Variants in PHLPP1 observed in about 807,000 individuals in gnomAD.
PHLPP1 encodes the protein PH domain leucine-rich repeat-containing protein phosphatase 1.
Under a neutral mutation model 117.2 loss-of-function variants are expected in PHLPP1, and 42 were observed. That is an observed-to-expected ratio of 0.36 (90% confidence interval 0.28 to 0.46). The LOEUF is 0.46. Ranked by LOEUF, PHLPP1 falls within the 20% of genes least tolerant of loss-of-function variation. PHLPP1 has a pLI of 1.00. For missense variants in PHLPP1, 2,084 were observed against 2,241.9 expected (o/e 0.93, Z 1.42); for synonymous variants, 1,042 against 970.7 (o/e 1.07, Z -1.37).
At chr18:62,718,085 A>G (rs1910815471) in intron 1 of PHLPP1, among the ~76,000 whole-genome samples, 1 of 152,186 alleles carries the variant, frequency 6.6e-6, no homozygotes, top group South Asian at 2.1e-4. Context: ...GGGGTGACCC[A>G]TGTAATGTTT....
Position 62,715,899 on chromosome 18 carries a change from A to C in PHLPP1, c.216A>C (p.Glu72Asp). 3 of 881,936 alleles carry C rather than the reference A, an allele frequency of 3.4e-6. No individual in the cohort carries two copies. The highest frequency in any genetic ancestry group is 5.0e-5 in the South Asian group (1 of 20,008). The allele number at this position is 881,936 out of a possible 1,614,324, so 54.6% of individuals were successfully genotyped here. ...ACGGCAGCGGCAGCGGGGCGCGGGA[A>C]GAGGCCCCAGGCGAGGCGCCGCCGG... ...GGNGSGSGAR[E>D]EAPGEAPPGP... The change falls in exon 1 of 17, where the codon GAA becomes GAC. Residue 72 changes from glutamate (E) to aspartate (D), a missense_variant. Glu to Asp is a conservative substitution (Grantham distance 45). Transcript: ENST00000262719.
rs181963748 is a variant in PHLPP1 at position 62,928,113 on chromosome 18, C to G, written c.2960+7999C>G. The stretch of plus-strand genomic sequence containing the variant: ...TTGACTCAGGGTTTTTATATCAAGC[C>G]AAGTCTCCTTTAAGATCTAAGTTAT... On this transcript the variant is annotated intron_variant, in intron 10 of 16. Transcript: ENST00000262719. Among the ~76,000 whole-genome samples the G allele has an allele frequency of 2.5e-3, 382 of 152,150 alleles. 2 individuals carry two copies. The highest frequency in any genetic ancestry group is 3.9e-3 in the Non-Finnish European group (267 of 67,992).
At chr18:62,778,482 A>T (rs1913026828) in intron 1 of PHLPP1, among the ~76,000 whole-genome samples, 1 of 152,176 alleles carries the variant, frequency 6.6e-6, no homozygotes, top group African/African-American at 2.4e-5. Flanking sequence ...GTAAGAGTAA[A>T]TTCATTATTT....
intron 1 of PHLPP1, among the ~76,000 whole-genome samples, chr18:62,728,168 C>T (rs186051870): frequency 2.6e-5 from 4 of 151,716 alleles, no homozygotes; most frequent in Admixed American, 2.6e-4. Context: ...GGTGGTGCAT[C>T]CCTGTAATCC....
At chr18:62,860,803 A>G (rs1178963070) in intron 4 of PHLPP1, among the ~76,000 whole-genome samples, 2 of 152,184 alleles carry the variant, frequency 1.3e-5, no homozygotes, top group Non-Finnish European at 2.9e-5. Context: ...TGCTTTTGAA[A>G]CTAATGATTT....
intron 8 of PHLPP1, among the ~76,000 whole-genome samples, chr18:62,905,669 T>A (rs1039652427): frequency 1.3e-5 from 2 of 152,206 alleles, no homozygotes; most frequent in African/African-American, 2.4e-5. Context: ...TTAGGATGAT[T>A]TAATTTTTTA....
chr18:62,954,111 T>G (rs1316241616), intron 12 of PHLPP1, among the ~76,000 whole-genome samples: 1 of 152,262 alleles, frequency 6.6e-6, no homozygotes, highest in Non-Finnish European at 1.5e-5. Context: ...GACTTTTTTA[T>G]GCTCTTATCT....
chr18:62,874,823 C>A (rs1485829104), intron 4 of PHLPP1, among the ~76,000 whole-genome samples: 2 of 152,186 alleles, frequency 1.3e-5, no homozygotes, highest in African/African-American at 4.8e-5. Context: ...GGAGAATGGG[C>A]AAACTTCACA....
At chr18:62,821,637 G>A (rs1914461806) in intron 1 of PHLPP1, among the ~76,000 whole-genome samples, 1 of 150,804 alleles carries the variant, frequency 6.6e-6, no homozygotes, top group Non-Finnish European at 1.5e-5. Flanking sequence ...AAAATTGGTA[G>A]TTCTCTAACC....
chr18:62,923,419 A>G (rs922372140), intron 10 of PHLPP1, among the ~76,000 whole-genome samples: 6 of 152,352 alleles, frequency 3.9e-5, no homozygotes, highest in Non-Finnish European at 7.3e-5. Flanking sequence ...TAATTGCTAC[A>G]TCTCCAGCAT....
At position 62,945,244 on chromosome 18, in the gene PHLPP1, C is replaced by G. The variant is rs370151315; in HGVS notation, c.3297C>G (p.Pro1099=). 31 of 1,605,234 alleles carry G rather than the reference C, an allele frequency of 1.9e-5. No individual in the cohort carries two copies. Among genetic ancestry groups the G allele is most frequent in the Non-Finnish European group, 2.5e-5 (29 of 1,177,128 alleles). Residue 1099 remains proline (P), a synonymous_variant, in exon 12 of 17, where the codon CCC becomes CCG. Coordinates refer to ENST00000262719, the MANE Select transcript of PHLPP1 (RefSeq NM_194449.4). ...ACTCCAACTGCATCGAGGTCTTTCC[C>G]GAAGTTATGCAGCTCCCAGAGATCA... ...IAHSNCIEVF[P]EVMQLPEIKC...
At chr18:62,903,322 T>C (rs1916771191) in intron 7 of PHLPP1, among the ~76,000 whole-genome samples, 156 bp downstream of exon 7, 1 of 152,202 alleles carries the variant, frequency 6.6e-6, no homozygotes, top group Non-Finnish European at 1.5e-5. Flanking sequence ...GCTGACTTAT[T>C]GTTTAAAGGA....
chr18:62,904,526 T>C (rs1269221515), intron 7 of PHLPP1, among the ~76,000 whole-genome samples: 1 of 152,212 alleles, frequency 6.6e-6, no homozygotes, highest in African/African-American at 2.4e-5. Flanking sequence ...AGATTACATA[T>C]GTTGATTTGA....
At chr18:62,833,334 A>G (rs1238910472) in intron 2 of PHLPP1, among the ~76,000 whole-genome samples, 2 of 152,220 alleles carry the variant, frequency 1.3e-5, no homozygotes, top group East Asian at 1.9e-4. Context: ...TCGGCCTCCC[A>G]TAGTGCTGGG....
chr18:62,934,585 C>T (rs1010182133), intron 10 of PHLPP1, among the ~76,000 whole-genome samples: 22 of 152,224 alleles, frequency 1.4e-4, no homozygotes, highest in African/African-American at 2.2e-4. Flanking sequence ...AAGGGATATA[C>T]GGTTTGAAAA....
chr18:62,863,523 A>G (rs940149862), intron 4 of PHLPP1, among the ~76,000 whole-genome samples: 1 of 152,170 alleles, frequency 6.6e-6, no homozygotes, highest in African/African-American at 2.4e-5. Context: ...TCTTGATTAT[A>G]TGCTAAATAT....
At chr18:62,849,786 C>T (rs1915278064) in intron 3 of PHLPP1, among the ~76,000 whole-genome samples, 1 of 70,942 alleles carries the variant, frequency 1.4e-5, no homozygotes, top group South Asian at 5.2e-4. Flanking sequence ...CATAGCAAGG[C>T]CCTGTCTCTA....
intron 4 of PHLPP1, among the ~76,000 whole-genome samples, chr18:62,886,468 T>A (rs2144389745): frequency 6.6e-6 from 1 of 152,232 alleles, no homozygotes. Context: ...AGAGATGGGA[T>A]CTTGCTATGT....
intron 1 of PHLPP1, among the ~76,000 whole-genome samples, chr18:62,811,322 A>G (rs1298132176): frequency 6.6e-6 from 1 of 152,234 alleles, no homozygotes; most frequent in Non-Finnish European, 1.5e-5. Context: ...CTGGTAAACA[A>G]ATGATAACTT....
Sources: gnomAD v4.1 joint callset for allele counts (sites outside exome capture counted in the v4.1 genomes callset) on GRCh38, gnomAD v4.1.1 for gene constraint, MANE v1.5 for transcripts, NCBI Gene and HGNC (gene_info 2026-07-23, HGNC 2026-07-21) for gene names.